The following EIF2B1 variants were observed in gnomAD, a reference collection of about 807,000 sequenced individuals.
EIF2B1 encodes translation initiation factor eIF2B subunit alpha.
In EIF2B1, 30 loss-of-function variants were observed where a neutral mutation model predicts 36.8. The observed-to-expected ratio is 0.81, with a 90% CI of 0.61 to 1.10. The LOEUF (loss-of-function observed/expected upper bound fraction) is 1.10. Ranked by LOEUF, EIF2B1 falls within the 50% of genes least tolerant of loss-of-function variation. The pLI is 0.00. For synonymous variants in EIF2B1, 139 were observed against 142.2 expected (o/e 0.98, Z 0.16); for missense variants, 271 against 374.8 (o/e 0.72, Z 2.29).
chr12:123,625,600 A>G (rs1364528412), intron 6 of EIF2B1, among the ~76,000 whole-genome samples: 2 of 152,194 alleles, frequency 1.3e-5, no homozygotes, highest in Non-Finnish European at 1.5e-5. Context: ...ACACATTCCT[A>G]ATTTCCTTAA....
intron 6 of EIF2B1, among the ~76,000 whole-genome samples, chr12:123,625,165 C>CGTGTGG (rs1955139045): frequency 6.6e-6 from 1 of 152,176 alleles, no homozygotes; most frequent in African/African-American, 2.4e-5. Context: ...GTGGTATCCT[C>CGTGTGG]TACTTTCTTT....
chr12:123,633,495 C>T (rs778210416), intron 1 of EIF2B1, 50 bp downstream of exon 1: 7 of 1,613,616 alleles, frequency 4.3e-6, no homozygotes, highest in Non-Finnish European at 5.9e-6. Context: ...TTGGGGGGAC[C>T]CCTGAACGGC....
intron 8 of EIF2B1, 43 bp downstream of exon 8, chr12:123,622,593 C>T: frequency 6.2e-7 from 1 of 1,612,884 alleles, no homozygotes; most frequent in Non-Finnish European, 8.5e-7. Context: ...CCAAAGGTTT[C>T]TGTTTAGACT....
At chr12:123,623,437 T>C (rs1420748332) in intron 7 of EIF2B1, among the ~76,000 whole-genome samples, 1 of 152,126 alleles carries the variant, frequency 6.6e-6, no homozygotes, top group East Asian at 1.9e-4. Context: ...TGTAGAGAAA[T>C]TGGAACCTTT....
chr12:123,625,926 T>G, intron 6 of EIF2B1: 1 of 174,562 alleles, frequency 5.7e-6, no homozygotes, highest in Non-Finnish European at 1.2e-5. Context: ...AGTTCAGGAG[T>G]TCGAGACCAG....
chr12:123,626,899 A>G (rs776312539), intron 5 of EIF2B1, 145 bp downstream of exon 5: 3 of 777,222 alleles, frequency 3.9e-6, no homozygotes, highest in Non-Finnish European at 6.7e-6. Context: ...TTTTTCTTCC[A>G]AAGGCAGGAA....
Position 123,633,580 on chromosome 12 carries a change from C to T in EIF2B1, c.-23G>A, listed in dbSNP as rs377105468. 6 of 1,608,724 alleles carry T rather than the reference C, an allele frequency of 3.7e-6. No homozygotes were observed. Among genetic ancestry groups the T allele is most frequent in the African/African-American group, 1.3e-5 (1 of 74,918 alleles). ...CATGGCGTCCTCCTGCTGCGGAGCC[C>T]CAGGGGACCCGAGCCGCCCGCGCTG... On this transcript the variant is annotated 5_prime_UTR_variant, in exon 1 of 9. Coordinates refer to ENST00000424014, the MANE Select transcript of EIF2B1 (RefSeq NM_001414.4).
chr12:123,621,611 C>A lies in EIF2B1; in HGVS notation c.*145G>T. The A allele has an allele frequency of 1.0e-6, 1 of 1,000,388 alleles. No individual in the cohort carries two copies. 62.0% of individuals were successfully genotyped at this position (1,000,388 alleles called of 1,614,324 possible). A position where few individuals can be genotyped will look rare whatever the true frequency, so the allele number is the denominator to read the frequency against. Reference sequence around the variant, plus strand: ...GGGACTGAAATGAGTAAGAAAGGTTCTCCAAGATGTATGATTTTAAGTCCT... The same window carrying A: ...GGGACTGAAATGAGTAAGAAAGGTTATCCAAGATGTATGATTTTAAGTCCT... On this transcript the variant is annotated 3_prime_UTR_variant, in exon 9 of 9. Coordinates refer to ENST00000424014, the MANE Select transcript of EIF2B1 (RefSeq NM_001414.4).
At chr12:123,631,591 G>A (rs1193165573) in intron 2 of EIF2B1, among the ~76,000 whole-genome samples, 1 of 151,612 alleles carries the variant, frequency 6.6e-6, no homozygotes, top group Non-Finnish European at 1.5e-5. Context: ...GGCGGATCAC[G>A]AGGTCAGGAG....
intron 7 of EIF2B1, among the ~76,000 whole-genome samples, chr12:123,622,976 A>T (rs1955117173): frequency 6.6e-6 from 1 of 152,034 alleles, no homozygotes; most frequent in South Asian, 2.1e-4. Context: ...AAAAACAGCA[A>T]TAGAAAGTTA....
intron 7 of EIF2B1, among the ~76,000 whole-genome samples, chr12:123,623,688 G>C (rs1042092465): frequency 6.6e-6 from 1 of 151,996 alleles, no homozygotes; most frequent in African/African-American, 2.4e-5. Flanking sequence ...TGGCCAGGCT[G>C]GTCTCGAACT....
At chr12:123,629,834 C>T (rs773558067) in intron 4 of EIF2B1, among the ~76,000 whole-genome samples, 11 of 152,120 alleles carry the variant, frequency 7.2e-5, no homozygotes, top group Non-Finnish European at 1.2e-4. Context: ...AAGAATCACA[C>T]GTGCTGTCCC....
rs1955069674 is a variant in EIF2B1 at position 123,620,617 on chromosome 12, TATATATATATAA to T, written c.*1127_*1138del. ...ATATATATATATATATATATATATA[TATATATATATAA>T]GCTCTTTTTTCTGAGGCTATTTTAT... On this transcript the variant is annotated 3_prime_UTR_variant, in exon 9 of 9. Coordinates refer to ENST00000424014, the MANE Select transcript of EIF2B1 (RefSeq NM_001414.4). 1 of 122,808 alleles carries T rather than the reference TATATATATATAA, an allele frequency of 8.1e-6. No homozygotes were observed. The highest frequency in any genetic ancestry group is 8.0e-5 in the Admixed American group (1 of 12,552). 7.6% of individuals were successfully genotyped at this position (122,808 alleles called of 1,614,324 possible).
At position 123,630,429 on chromosome 12, in the gene EIF2B1, G is replaced by A. The variant is rs1955179313; in HGVS notation, c.220C>T (p.Arg74Cys). ...TCCAGGGAGGCAAGACTGATGAAGC[G>A]GAGGAAGAGCTCCCCGCCAGAGGAC... ...AVSSGGELFL[R>C]FISLASLEYS... Residue 74 changes from arginine to cysteine, a missense_variant, in exon 3 of 9, where the codon CGC (arginine) becomes TGC (cysteine). Arg to Cys is a radical substitution (Grantham distance 180). Coordinates refer to ENST00000424014, the MANE Select transcript of EIF2B1 (RefSeq NM_001414.4). This position sits in a 1 kb window ranked among gnomAD's most constrained non-coding sequence, Gnocchi z 4.6. The A allele has an allele frequency of 6.2e-7, 1 of 1,614,006 alleles. No individual in the cohort carries two copies. Among genetic ancestry groups the A allele is most frequent in the Admixed American group, 1.7e-5 (1 of 59,994 alleles).
chr12:123,632,125 G>A (rs569410066), intron 2 of EIF2B1, among the ~76,000 whole-genome samples: 6 of 148,816 alleles, frequency 4.0e-5, no homozygotes, highest in East Asian at 2.0e-4. Context: ...AAAATTAGCC[G>A]GACAAGGTGG....
chr12:123,632,262 C>T (rs1355330816), intron 2 of EIF2B1, 83 bp downstream of exon 2: 12 of 964,664 alleles, frequency 1.2e-5, no homozygotes, highest in Admixed American at 1.0e-4. Flanking sequence ...AGTGAGGCTC[C>T]GTCTCTTTAA....
chr12:123,630,100 G>T lies in EIF2B1; in HGVS notation c.369+69C>A, dbSNP rs1955176620. 2 of 1,410,618 alleles carry T rather than the reference G, an allele frequency of 1.4e-6. No individual in the cohort carries two copies. The highest frequency in any genetic ancestry group is 1.1e-5 in the South Asian group (1 of 87,056). The allele number at this position is 1,410,618 out of a possible 1,614,324, so 87.4% of individuals were successfully genotyped here. A position where few individuals can be genotyped will look rare whatever the true frequency, so the allele number is the denominator to read the frequency against. On this transcript the variant is annotated intron_variant, in intron 4 of 8. Coordinates refer to ENST00000424014, the MANE Select transcript of EIF2B1 (RefSeq NM_001414.4). The surrounding 1 kb of genome is among the most constrained non-coding windows in gnomAD (Gnocchi z 4.6). The stretch of plus-strand genomic sequence containing the variant: ...CACAGCAAGTGAGTGGCAGAGCCCG[G>T]ATTTTACCCCAGGCAGTCGGACTCG...
chr12:123,626,947 T>C (rs1955153258), intron 5 of EIF2B1, 97 bp downstream of exon 5: 7 of 1,114,186 alleles, frequency 6.3e-6, no homozygotes, highest in Non-Finnish European at 9.6e-6. Context: ...GCTGGCAAGC[T>C]GGGGGCACAT....
At chr12:123,629,910 A>G in intron 4 of EIF2B1, 1 of 563,370 alleles carries the variant, frequency 1.8e-6, no homozygotes, top group African/African-American at 1.9e-5. Context: ...TTCATGCAGC[A>G]CTTACTAAGT....
Sources: allele counts gnomAD v4.1 joint callset (sites outside exome capture counted in the v4.1 genomes callset), GRCh38; gene constraint gnomAD v4.1.1; non-coding constraint Gnocchi (gnomAD v3.1); transcripts MANE v1.5; gene names NCBI Gene and HGNC (gene_info 2026-07-23, HGNC 2026-07-21).